Variants in ZNF155 observed in about 807,000 individuals in gnomAD.
ZNF155 encodes the protein zinc finger protein 155, also known as KRAB A domain.
In ZNF155, 15 loss-of-function variants were observed where a neutral mutation model predicts 11.9. The ratio of observed to expected loss-of-function variants is 1.26; its 90% CI spans 0.84 to 1.94. ZNF155 has a LOEUF of 1.94. ZNF155 is among the 30% of genes most tolerant of loss of function. The pLI is 0.00. For missense variants in ZNF155, 602 were observed against 639.1 expected, an observed-to-expected ratio of 0.94 and a Z score of 0.63; for synonymous variants, 212 against 219.9, an observed-to-expected ratio of 0.96 and a Z score of 0.32.
In ZNF155 at chr19:43,988,578, C is replaced by T; in HGVS notation, c.15+20C>T. 1 of 1,595,238 alleles carries T rather than the reference C, an allele frequency of 6.3e-7. No individual in the cohort carries two copies. Among genetic ancestry groups the T allele is most frequent in the East Asian group, 2.2e-5 (1 of 44,640 alleles). On this transcript the variant is annotated intron_variant, in intron 2 of 4. Coordinates refer to ENST00000270014, the MANE Select transcript of ZNF155 (RefSeq NM_198089.3). ...TTCAAGGTGAGGGGGGCGTGCCTCTCTCGCTGTTAAAATTCCATGTCACTA... is the reference window on the plus strand; with the variant it reads ...TTCAAGGTGAGGGGGGCGTGCCTCTTTCGCTGTTAAAATTCCATGTCACTA...
In ZNF155 at chr19:43,991,554, G is replaced by T. The variant is rs780214592; in HGVS notation, c.22G>T (p.Val8Leu). 1.4e-5 allele frequency: 22 copies of T among 1,614,020 alleles called. No individual in the cohort carries two copies. In the Admixed American group the frequency reaches 3.7e-4, roughly 27 times the overall value. ...TGTCTTCTTGATGTTGTAGGAGGCA[G>T]TGACCTTCAAGGATGTGGCTGTGGT... MTTFKEA[V>L]TFKDVAVVFT... The change falls in exon 3 of 5, where the codon GTG (valine) becomes TTG (leucine). Residue 8 changes from valine to leucine, a missense_variant. By Grantham distance (32) the Val-to-Leu change is conservative (BLOSUM62 1). Transcript: ENST00000270014.
chr19:43,992,029 AC>A (rs1975684418), intron 4 of ZNF155, 95 bp downstream of exon 4: 3 of 1,118,672 alleles, frequency 2.7e-6, no homozygotes, highest in Non-Finnish European at 3.9e-6. Context: ...GTAAATGACC[AC>A]ATCTCCTTCC....
Position 43,991,871 on chromosome 19 carries a change from C to T in ZNF155, c.172C>T (p.His58Tyr). The T allele has an allele frequency of 6.2e-7, 1 of 1,614,042 alleles. No individual in the cohort carries two copies. The highest frequency in any genetic ancestry group is 1.1e-5 in the South Asian group (1 of 91,070). The change falls in exon 4 of 5, where the codon CAC (histidine) becomes TAC (tyrosine). Residue 58 changes from histidine (H) to tyrosine (Y), a missense_variant. By Grantham distance (83) the His-to-Tyr change is moderately conservative (BLOSUM62 2). Transcript: ENST00000270014. Reference protein sequence around the residue: ...GHQPFHQDTCHFLREEKFWMM... With the variant: ...GHQPFHQDTCYFLREEKFWMM... ...TCAACCGTTCCACCAAGATACTTGC[C>T]ACTTCCTAAGGGAAGAAAAGTTTTG... is the stretch of plus-strand genomic sequence containing the variant.
At chr19:43,990,773 T>G (rs1019549465) in intron 2 of ZNF155, among the ~76,000 whole-genome samples, 2 of 152,070 alleles carry the variant, frequency 1.3e-5, no homozygotes, top group African/African-American at 4.8e-5. Flanking sequence ...ACTCAACAGA[T>G]TACGTGAAGC....
chr19:43,996,251 T>C lies in ZNF155; in HGVS notation c.394T>C (p.Ser132Pro). Residue 132 changes from serine to proline, a missense_variant, in exon 5 of 5, where the codon TCC (serine) becomes CCC (proline). Ser to Pro is a moderately conservative substitution (Grantham distance 74). Coordinates refer to ENST00000270014, the MANE Select transcript of ZNF155 (RefSeq NM_198089.3). ...GTTCTTTGAAAATGGTGATGTCCCC[T>C]CCCAGGTTGAAGCAGGACTACCCAC... Reference protein sequence around the residue: ...SQFFENGDVPSQVEAGLPTIH... With the variant: ...SQFFENGDVPPQVEAGLPTIH... 1 of 1,614,176 alleles carries C rather than the reference T, an allele frequency of 6.2e-7. No homozygotes were observed. Among genetic ancestry groups the C allele is most frequent in the Non-Finnish European group, 8.5e-7 (1 of 1,180,020 alleles).
At chr19:43,989,315 G>T (rs1975574091) in intron 2 of ZNF155, among the ~76,000 whole-genome samples, 2 of 152,158 alleles carry the variant, frequency 1.3e-5, no homozygotes, top group Admixed American at 1.3e-4. Context: ...TATGTAGTAA[G>T]CAGTTTAACC....
At chr19:43,989,997 A>G (rs1318414666) in intron 2 of ZNF155, 17 of 1,377,776 alleles carry the variant, frequency 1.2e-5, no homozygotes, top group Non-Finnish European at 1.4e-5. Flanking sequence ...AAGTGAGAAT[A>G]ATAGAATGAT....
chr19:43,992,794 A>G lies in ZNF155; in HGVS notation c.235+860A>G, dbSNP rs80067227. Among the ~76,000 whole-genome samples, 41 of 152,338 alleles carry G rather than the reference A, an allele frequency of 2.7e-4. No homozygotes were observed. The East Asian group carries it at 7.1e-3, about 27-fold the overall frequency. ...AACATAATAGGAAGGCTGACTGTAT[A>G]TTGCAGAACAGTTTTTTTGGCCTGC... On this transcript the variant is annotated intron_variant, in intron 4 of 4. Coordinates refer to ENST00000270014, the MANE Select transcript of ZNF155 (RefSeq NM_198089.3).
chr19:43,990,176 T>A, intron 2 of ZNF155: 1 of 1,013,688 alleles, frequency 9.9e-7, no homozygotes, highest in Non-Finnish European at 1.4e-6. Flanking sequence ...GTGCTTATTT[T>A]TTGATGTTTT....
rs763129301 is a variant in ZNF155 at position 43,996,408 on chromosome 19, G to A, written c.551G>A (p.Ser184Asn). The A allele has an allele frequency of 6.2e-7, 1 of 1,614,090 alleles. No homozygotes were observed. Among genetic ancestry groups the A allele is most frequent in the Non-Finnish European group, 8.5e-7 (1 of 1,180,030 alleles). ...KSYTCDECGK[S>N]ICYISALHVH... is the part of the protein sequence containing the mutation. ...TATACATGTGATGAGTGTGGAAAAA[G>A]CATCTGTTACATCTCAGCTCTTCAT... The change falls in exon 5 of 5, where the codon AGC becomes AAC. Residue 184 changes from serine to asparagine, a missense_variant. Transcript: ENST00000270014.
chr19:43,996,258 T>A lies in ZNF155; in HGVS notation c.401T>A (p.Val134Asp). The change falls in exon 5 of 5, where the codon GTT (valine) becomes GAT (aspartate). Residue 134 changes from valine to aspartate, a missense_variant. Physicochemically the swap from Val to Asp is radical, Grantham distance 152. Transcript: ENST00000270014. ...FFENGDVPSQ[V>D]EAGLPTIHTG... ...GAAAATGGTGATGTCCCCTCCCAGG[T>A]TGAAGCAGGACTACCCACAATTCAT... The A allele has an allele frequency of 6.2e-7, 1 of 1,614,206 alleles. No individual in the cohort carries two copies.
chr19:43,992,525 A>G (rs1442373946), intron 4 of ZNF155, among the ~76,000 whole-genome samples: 1 of 152,206 alleles, frequency 6.6e-6, no homozygotes, highest in African/African-American at 2.4e-5. Context: ...GTGTCTAGGC[A>G]CTGTCCACAC....
intron 2 of ZNF155, chr19:43,988,853 C>T (rs381888): frequency 0.36 from 109,333 of 305,618 alleles, 21,033 homozygotes; most frequent in East Asian, 0.53. Context: ...CTCTGCTGTT[C>T]GTCATGTACA....
At chr19:43,992,080 C>A in intron 4 of ZNF155, 146 bp downstream of exon 4, 1 of 713,812 alleles carries the variant, frequency 1.4e-6, no homozygotes, top group South Asian at 2.1e-5. Context: ...GGCCCTGTTC[C>A]CACCCTAATA....
At chr19:43,984,273 G>C (rs554058135) in intron 1 of ZNF155, 28 bp downstream of exon 1, 7 of 152,408 alleles carry the variant, frequency 4.6e-5, no homozygotes, top group African/African-American at 1.7e-4. Context: ...CTTTGCGAAA[G>C]TGAACCAGTT....
chr19:43,997,036 C>T lies in ZNF155; in HGVS notation c.1179C>T (p.Val393=), dbSNP rs182923802. The change falls in exon 5 of 5, where the codon GTC becomes GTT. Residue 393 remains valine (V), a synonymous_variant. Coordinates refer to ENST00000270014, the MANE Select transcript of ZNF155 (RefSeq NM_198089.3). ...CATGCCTTTTGAACCATCAGCGAGT[C>T]CACAGTGGAGAAAAAAGCTTCAAAT... is the stretch of plus-strand genomic sequence containing the variant. The part of the protein sequence containing the change: ...WSSCLLNHQR[V]HSGEKSFKCE... 25 of 1,614,010 alleles carry T rather than the reference C, an allele frequency of 1.5e-5. No individual in the cohort carries two copies. The Admixed American group carries it at 2.8e-4, about 18-fold the overall frequency.
At chr19:43,990,826 G>A (rs1475928460) in intron 2 of ZNF155, among the ~76,000 whole-genome samples, 1 of 152,212 alleles carries the variant, frequency 6.6e-6, no homozygotes, top group Non-Finnish European at 1.5e-5. Context: ...GCACAGGAGT[G>A]TAGGATACAC....
chr19:43,988,102 C>T (rs1975523106), intron 1 of ZNF155, among the ~76,000 whole-genome samples: 1 of 152,196 alleles, frequency 6.6e-6, no homozygotes, highest in Non-Finnish European at 1.5e-5. Context: ...GCTTGGACAA[C>T]ATAGCAAGAC....
Position 43,996,669 on chromosome 19 carries a change from A to G in ZNF155, c.812A>G (p.His271Arg). The change falls in exon 5 of 5, where the codon CAT becomes CGT. Residue 271 changes from histidine (H) to arginine (R), a missense_variant. Coordinates refer to ENST00000270014, the MANE Select transcript of ZNF155 (RefSeq NM_198089.3). ...GAGGCATGTGGGAAGGCCTTCATTC[A>G]TGATTCCCAGCTTAAGGAACATAAG... ...ICEACGKAFIHDSQLKEHKRI... is the reference protein window; with the variant it reads ...ICEACGKAFIRDSQLKEHKRI... The G allele has an allele frequency of 6.2e-7, 1 of 1,613,970 alleles. No homozygotes were observed. The highest frequency in any genetic ancestry group is 8.5e-7 in the Non-Finnish European group (1 of 1,179,962).
Sources: allele counts gnomAD v4.1 joint callset (sites outside exome capture counted in the v4.1 genomes callset), GRCh38; gene constraint gnomAD v4.1.1; transcripts MANE v1.5; gene names NCBI Gene and HGNC (gene_info 2026-07-23, HGNC 2026-07-21).